The following SLC5A6 variants were observed in gnomAD, a reference collection of about 807,000 sequenced individuals.
SLC5A6 encodes sodium-dependent multivitamin transporter.
Under a neutral mutation model 67.9 loss-of-function variants are expected in SLC5A6, and 31 were observed. The ratio of observed to expected loss-of-function variants is 0.46; its 90% CI spans 0.34 to 0.62. SLC5A6 has a LOEUF of 0.62. Among genes scored for constraint, SLC5A6 ranks in the 20% least tolerant of loss-of-function variants. SLC5A6 has a pLI of 0.01. For missense variants in SLC5A6, 673 were observed against 812.8 expected, an observed-to-expected ratio of 0.83 and a Z score of 2.09; for synonymous variants, 343 against 331.0, an observed-to-expected ratio of 1.04 and a Z score of -0.39.
Position 27,212,087 on chromosome 2 carries a change from C to A in SLC5A6, c.-275G>T. 2 of 1,367,094 alleles carry A rather than the reference C, an allele frequency of 1.5e-6. No individual in the cohort carries two copies. The highest frequency in any genetic ancestry group is 1.9e-6 in the Non-Finnish European group (2 of 1,030,034). 84.7% of individuals were successfully genotyped at this position (1,367,094 alleles called of 1,614,324 possible). ...CTCGGCGTCCGGACGCGGGGAACAC[C>A]GGGCTGAGGGAGTCTGCAGTCGGCT... is the stretch of plus-strand genomic sequence containing the variant. On this transcript the variant is annotated 5_prime_UTR_variant, in exon 1 of 17. Coordinates refer to ENST00000310574, the MANE Select transcript of SLC5A6 (RefSeq NM_021095.4).
intron 9 of SLC5A6, 124 bp from the exon 10 acceptor site, chr2:27,203,991 A>T: frequency 2.9e-6 from 2 of 686,452 alleles, no homozygotes; most frequent in Non-Finnish European, 2.5e-6. Flanking sequence ...ATTACAAGGG[A>T]AGCCAGGGCC....
Position 27,203,238 on chromosome 2 carries a change from C to A in SLC5A6, c.1202G>T (p.Gly401Val). Residue 401 changes from glycine (G) to valine (V), a missense_variant, in exon 11 of 17, where the codon GGC (glycine) becomes GTC (valine). Transcript: ENST00000310574. The part of the protein sequence containing the change: ...SEARAIMLSR[G>V]LAFGYGLLCL... ...ATGAGGAAGCATAACCCCACCAAGG[C>A]CTCTGGAAAGCATGATGGCCCGGGC... is the stretch of plus-strand genomic sequence containing the variant. The A allele has an allele frequency of 6.2e-7, 1 of 1,614,110 alleles. No individual in the cohort carries two copies. The highest frequency in any genetic ancestry group is 8.5e-7 in the Non-Finnish European group (1 of 1,179,998).
At chr2:27,212,383 C>T (rs1674609153), upstream of SLC5A6, 10 of 1,550,480 alleles carry the variant, frequency 6.4e-6, 1 homozygote, top group South Asian at 2.4e-5. Context: ...CGCCTCACGA[C>T]CCGGGTAGTC....
chr2:27,206,957 A>C lies in SLC5A6; in HGVS notation c.394-15T>G, dbSNP rs200485375. ...AGCTCCAGGTACTGGGTATACAGAA[A>C]AAAAGATTTTTCTCCTGACTTCACC... On this transcript the variant is annotated splice_polypyrimidine_tract_variant and intron_variant, in intron 3 of 16. Coordinates refer to ENST00000310574, the MANE Select transcript of SLC5A6 (RefSeq NM_021095.4). The C allele has an allele frequency of 1.9e-6, 3 of 1,609,380 alleles. No homozygotes were observed. In the African/African-American group the frequency reaches 4.0e-5, roughly 21 times the overall value.
rs1240714114 is a variant in SLC5A6, at chr2:27,212,211, C to A, written c.-399G>T. 3 of 1,557,112 alleles carry A rather than the reference C, an allele frequency of 1.9e-6. No homozygotes were observed. The highest frequency in any genetic ancestry group is 1.8e-4 in the Middle Eastern group (1 of 5,684). Reference sequence around the variant, plus strand: ...GAAAGAGGGCTAGGGCGCATGAAGACCAGCGCAGAGCTCCACGAGCAGGAA... The same window carrying A: ...GAAAGAGGGCTAGGGCGCATGAAGAACAGCGCAGAGCTCCACGAGCAGGAA... On this transcript the variant is annotated 5_prime_UTR_variant, in exon 1 of 17. Transcript: ENST00000310574.
chr2:27,201,558 C>T (rs1340981346), intron 14 of SLC5A6, 105 bp from the exon 15 acceptor site: 17 of 1,362,898 alleles, frequency 1.2e-5, no homozygotes, highest in Non-Finnish European at 1.7e-5. Context: ...GGACCCAATA[C>T]CCAACATTTC....
chr2:27,207,286 T>G lies in SLC5A6; in HGVS notation c.365A>C (p.Tyr122Ser). ...IPAHIFIPVF[Y>S]RLHLTSAYEY... is the part of the protein sequence containing the mutation. ...ATAGGCACTGGTGAGATGCAGGCGG[T>G]AGAAAACGGGGATGAAGATGTGTGC... is the stretch of plus-strand genomic sequence containing the variant. The change falls in exon 3 of 17, where the codon TAC (tyrosine) becomes TCC (serine). Residue 122 changes from tyrosine to serine, a missense_variant. Tyr to Ser is a moderately radical substitution (Grantham distance 144). Transcript: ENST00000310574. This position sits in a 1 kb window ranked among gnomAD's most constrained non-coding sequence, Gnocchi z 5.5. 2 of 1,613,872 alleles carry G rather than the reference T, an allele frequency of 1.2e-6. No homozygotes were observed. The highest frequency in any genetic ancestry group is 4.5e-5 in the East Asian group (2 of 44,886).
At chr2:27,204,381 GCAGT>G in intron 9 of SLC5A6, 76 bp downstream of exon 9, 1 of 1,475,724 alleles carries the variant, frequency 6.8e-7, no homozygotes, top group Non-Finnish European at 9.1e-7. Context: ...AGTCCTTTCT[GCAGT>G]CAGTCCTTTC....
chr2:27,211,764 T>C (rs1027456945), intron 1 of SLC5A6: 1 of 175,706 alleles, frequency 5.7e-6, no homozygotes, highest in South Asian at 1.4e-4. Context: ...ACCACCACCT[T>C]ACCGCTCGCA....
chr2:27,207,821 A>C lies in SLC5A6; in HGVS notation c.-140-31T>G. The C allele has an allele frequency of 1.5e-6, 1 of 645,210 alleles. No individual in the cohort carries two copies. Among genetic ancestry groups the C allele is most frequent in the Non-Finnish European group, 2.6e-6 (1 of 377,526 alleles). The allele number at this position is 645,210 out of a possible 1,614,324, so 40.0% of individuals were successfully genotyped here. On this transcript the variant is annotated intron_variant, in intron 2 of 16. Transcript: ENST00000310574. This position sits in a 1 kb window ranked among gnomAD's most constrained non-coding sequence, Gnocchi z 5.5. Reference sequence around the variant, plus strand: ...AAGGAATTAGCTCTTAGTGAGGCCTATCTGGCCTTGGTAGCCATTCACCCT... The same window carrying C: ...AAGGAATTAGCTCTTAGTGAGGCCTCTCTGGCCTTGGTAGCCATTCACCCT...
chr2:27,207,624 G>C lies in SLC5A6; in HGVS notation c.27C>G (p.Ala9=). The change falls in exon 3 of 17, where the codon GCC becomes GCG. Residue 9 remains alanine, a synonymous_variant. Coordinates refer to ENST00000310574, the MANE Select transcript of SLC5A6 (RefSeq NM_021095.4). The surrounding 1 kb of genome is among the most constrained non-coding windows in gnomAD (Gnocchi z 5.5). MSVGVSTS[A]PLSPTSGTSV... ...TTGTGCCCGAGGTTGGGGAAAGAGG[G>C]GCTGAGGTGCTCACCCCTACACTCA... 6.2e-7 allele frequency: 1 copy of C among 1,614,094 alleles called. No homozygotes were observed. Among genetic ancestry groups the C allele is most frequent in the East Asian group, 2.2e-5 (1 of 44,888 alleles).
In SLC5A6 at chr2:27,202,106, A is replaced by C. The variant is rs202037415; in HGVS notation, c.1276-32T>G. 9.2e-6 allele frequency: 14 copies of C among 1,518,604 alleles called. No homozygotes were observed. In the African/African-American group the frequency reaches 1.5e-4, roughly 16 times the overall value. The allele number at this position is 1,518,604 out of a possible 1,614,324, so 94.1% of individuals were successfully genotyped here. A position where few individuals can be genotyped will look rare whatever the true frequency, so the allele number is the denominator to read the frequency against. On this transcript the variant is annotated intron_variant, in intron 12 of 16. Transcript: ENST00000310574. ...GGACAGGGTGAGAAGAAAAGGAAAA[A>C]GAACACAGACTCAGAGATGCCCAGA...
At chr2:27,206,227 G>A (rs1008818868) in intron 5 of SLC5A6, 134 bp from the exon 6 acceptor site, 5 of 810,056 alleles carry the variant, frequency 6.2e-6, no homozygotes, top group African/African-American at 3.4e-5. Flanking sequence ...TCACCACAAC[G>A]GAGAAAAATG....
chr2:27,201,883 G>A (rs372426260), intron 13 of SLC5A6, 36 bp from the exon 14 acceptor site: 123 of 1,612,206 alleles, frequency 7.6e-5, no homozygotes, highest in Non-Finnish European at 1.0e-4. Flanking sequence ...CACAAGGCCA[G>A]TCCTGCCAGC....
chr2:27,201,166 G>A (rs569336820), intron 15 of SLC5A6, 53 bp from the exon 16 acceptor site: 5 of 1,393,564 alleles, frequency 3.6e-6, no homozygotes, highest in Non-Finnish European at 5.0e-6. Flanking sequence ...ACAGCAGCGG[G>A]CCCCATGTCC....
In SLC5A6 at chr2:27,206,939, G is replaced by C; in HGVS notation, c.397C>G (p.Leu133Val). The C allele has an allele frequency of 6.2e-7, 1 of 1,612,658 alleles. No individual in the cohort carries two copies. Among genetic ancestry groups the C allele is most frequent in the South Asian group, 1.1e-5 (1 of 91,062 alleles). The change falls in exon 4 of 17, where the codon CTG becomes GTG. Residue 133 changes from leucine to valine, a missense_variant. By Grantham distance (32) the Leu-to-Val change is conservative. Coordinates refer to ENST00000310574, the MANE Select transcript of SLC5A6 (RefSeq NM_021095.4). ...ACAGTTTTATTGAATCGAAGCTCCA[G>C]GTACTGGGTATACAGAAAAAAAGAT... is the stretch of plus-strand genomic sequence containing the variant. Reference protein sequence around the residue: ...RLHLTSAYEYLELRFNKTVRV... With the variant: ...RLHLTSAYEYVELRFNKTVRV...
At chr2:27,203,678 T>C in intron 10 of SLC5A6, 101 bp downstream of exon 10, 2 of 874,468 alleles carry the variant, frequency 2.3e-6, no homozygotes, top group Admixed American at 1.9e-5. Flanking sequence ...GTGAGAAACT[T>C]AGAGGGATTC....
Position 27,206,956 on chromosome 2 carries a change from A to G in SLC5A6, c.394-14T>C. The G allele has an allele frequency of 6.2e-7, 1 of 1,608,940 alleles. No individual in the cohort carries two copies. The highest frequency in any genetic ancestry group is 2.2e-5 in the East Asian group (1 of 44,848). The stretch of plus-strand genomic sequence containing the variant: ...AAGCTCCAGGTACTGGGTATACAGA[A>G]AAAAAGATTTTTCTCCTGACTTCAC... On this transcript the variant is annotated splice_polypyrimidine_tract_variant and intron_variant, in intron 3 of 16. Transcript: ENST00000310574.
Position 27,202,879 on chromosome 2 carries a change from G to T in SLC5A6, c.1209C>A (p.Ala403=), listed in dbSNP as rs554339311. ...ARAIMLSRGL[A]FGYGLLCLGM... is the part of the protein sequence containing the mutation. The stretch of plus-strand genomic sequence containing the variant: ...CTAGACAAAGCAGCCCATAGCCAAA[G>T]GCTGGGGGAAAAGGACAGGAGAGGA... Residue 403 remains alanine, a splice_region_variant and synonymous_variant, in exon 12 of 17, where the codon GCC becomes GCA. Coordinates refer to ENST00000310574, the MANE Select transcript of SLC5A6 (RefSeq NM_021095.4). The T allele has an allele frequency of 6.2e-7, 1 of 1,613,790 alleles. No homozygotes were observed. Among genetic ancestry groups the T allele is most frequent in the South Asian group, 1.1e-5 (1 of 91,022 alleles).
Sources: allele counts gnomAD v4.1 joint callset, GRCh38; gene constraint gnomAD v4.1.1; non-coding constraint Gnocchi (gnomAD v3.1); transcripts MANE v1.5; gene names NCBI Gene and HGNC (gene_info 2026-07-23, HGNC 2026-07-21).